The following CNTNAP2 variants were observed in gnomAD, a reference collection of about 807,000 sequenced individuals.
The protein encoded by CNTNAP2 is contactin associated protein 2.
Under a neutral mutation model 155.2 loss-of-function variants are expected in CNTNAP2, and 98 were observed. The observed-to-expected ratio is 0.63, with a 90% confidence interval of 0.54 to 0.75. CNTNAP2 has a LOEUF of 0.75. CNTNAP2 is among the 30% of genes least tolerant of loss of function. The pLI is 0.00. For synonymous variants in CNTNAP2, 651 were observed against 631.2 expected (o/e 1.03, Z -0.47); for missense variants, 1,727 against 1,688.1 (o/e 1.02, Z -0.40).
chr7:146,215,744 A>G (rs1281052843), intron 1 of CNTNAP2, among the ~76,000 whole-genome samples: 1 of 152,178 alleles, frequency 6.6e-6, no homozygotes, highest in Non-Finnish European at 1.5e-5. Flanking sequence ...AATGTGTTAT[A>G]TCTAGGCCTC....
chr7:146,662,005 G>A (rs998632656), intron 1 of CNTNAP2, among the ~76,000 whole-genome samples: 1 of 152,112 alleles, frequency 6.6e-6, no homozygotes, highest in African/African-American at 2.4e-5. Context: ...CATAGGTGTA[G>A]TGTTTTTTTA....
intron 2 of CNTNAP2, among the ~76,000 whole-genome samples, chr7:146,780,739 G>A (rs565773696): frequency 2.3e-3 from 347 of 152,042 alleles, no homozygotes; most frequent in African/African-American, 7.8e-3. Context: ...GGATGAAGCT[G>A]GAAGCCATCA....
At chr7:148,269,331 A>G (rs1040193382) in intron 21 of CNTNAP2, among the ~76,000 whole-genome samples, 1 of 152,186 alleles carries the variant, frequency 6.6e-6, no homozygotes, top group African/African-American at 2.4e-5. Context: ...CACAGTCTCA[A>G]ATCTAGCTTT....
At chr7:146,485,568 T>C (rs1011933602) in intron 1 of CNTNAP2, among the ~76,000 whole-genome samples, 1 of 152,174 alleles carries the variant, frequency 6.6e-6, no homozygotes, top group Non-Finnish European at 1.5e-5. Flanking sequence ...AATGCTTACT[T>C]TTTTGAAAGA....
At chr7:147,710,873 A>G (rs1203706172) in intron 13 of CNTNAP2, among the ~76,000 whole-genome samples, 1 of 152,146 alleles carries the variant, frequency 6.6e-6, no homozygotes, top group Non-Finnish European at 1.5e-5. Context: ...GTGGAAATTA[A>G]TTTGATGCTT....
chr7:147,428,134 G>T (rs557289134), intron 10 of CNTNAP2, among the ~76,000 whole-genome samples: 1 of 152,068 alleles, frequency 6.6e-6, no homozygotes, highest in Admixed American at 6.6e-5. Context: ...ATTTGTCATT[G>T]GATGAATGAT....
intron 8 of CNTNAP2, among the ~76,000 whole-genome samples, chr7:147,253,517 G>A (rs1284660693): frequency 6.6e-6 from 1 of 151,860 alleles, no homozygotes; most frequent in African/African-American, 2.4e-5. Context: ...GATGGTATGA[G>A]GATGAAAGGA....
intron 1 of CNTNAP2, among the ~76,000 whole-genome samples, chr7:146,226,482 G>C (rs1447248005): frequency 6.6e-6 from 1 of 151,992 alleles, no homozygotes; most frequent in Non-Finnish European, 1.5e-5. Context: ...TATATAGTGA[G>C]ACCCCAAGTC....
At chr7:146,990,019 A>G (rs753136922) in intron 3 of CNTNAP2, among the ~76,000 whole-genome samples, 3 of 152,068 alleles carry the variant, frequency 2.0e-5, no homozygotes, top group Non-Finnish European at 4.4e-5. Context: ...CAGGGATATT[A>G]TGTCCAATAA....
At chr7:146,538,862 A>G (rs1797909377) in intron 1 of CNTNAP2, among the ~76,000 whole-genome samples, 1 of 152,124 alleles carries the variant, frequency 6.6e-6, no homozygotes, top group South Asian at 2.1e-4. Context: ...AATTTATTAT[A>G]AAATGTAGAA....
chr7:148,248,427 G>A (rs1796312420), intron 20 of CNTNAP2, among the ~76,000 whole-genome samples: 1 of 152,106 alleles, frequency 6.6e-6, no homozygotes, highest in Non-Finnish European at 1.5e-5. Flanking sequence ...TTGAACTCCT[G>A]ACCTCATGAT....
chr7:147,718,309 C>T (rs559497424), intron 13 of CNTNAP2, among the ~76,000 whole-genome samples: 1 of 152,186 alleles, frequency 6.6e-6, no homozygotes, highest in African/African-American at 2.4e-5. Flanking sequence ...ACGTACTACA[C>T]AGGCAATTAA....
chr7:148,266,241 G>C (rs937542167), intron 20 of CNTNAP2, among the ~76,000 whole-genome samples: 2 of 152,168 alleles, frequency 1.3e-5, no homozygotes, highest in African/African-American at 4.8e-5. Flanking sequence ...GTTTTCCACC[G>C]GGGTGGGGGG....
At chr7:147,805,295 C>T (rs1798072347) in intron 13 of CNTNAP2, among the ~76,000 whole-genome samples, 1 of 152,012 alleles carries the variant, frequency 6.6e-6, no homozygotes, top group Non-Finnish European at 1.5e-5. Flanking sequence ...AATGCCAAGC[C>T]CAGTATCATT....
At chr7:147,644,885 C>T (rs916291316) in intron 13 of CNTNAP2, among the ~76,000 whole-genome samples, 1 of 151,876 alleles carries the variant, frequency 6.6e-6, no homozygotes, top group African/African-American at 2.4e-5. Context: ...GTATTGATTC[C>T]TTACATATAT....
At chr7:147,612,401 C>CTTTT (rs565607932) in intron 12 of CNTNAP2, among the ~76,000 whole-genome samples, 14 of 133,032 alleles carry the variant, frequency 1.1e-4, no homozygotes, top group Non-Finnish European at 1.3e-4. Context: ...AATTTTCTTT[C>CTTTT]TTTTTTTTTT....
At chr7:147,561,921 A>G (rs928546049) in intron 11 of CNTNAP2, among the ~76,000 whole-genome samples, 3 of 152,232 alleles carry the variant, frequency 2.0e-5, no homozygotes, top group African/African-American at 7.2e-5. Flanking sequence ...TCCCCAACAT[A>G]AAGTCATACC....
At chr7:146,657,283 G>T (rs924792244) in intron 1 of CNTNAP2, among the ~76,000 whole-genome samples, 4 of 152,178 alleles carry the variant, frequency 2.6e-5, no homozygotes, top group Middle Eastern at 6.8e-3. Flanking sequence ...TACCTCTATG[G>T]CATTGCTTTA....
At chr7:147,968,656 G>A (rs963720321) in intron 14 of CNTNAP2, among the ~76,000 whole-genome samples, 1 of 152,082 alleles carries the variant, frequency 6.6e-6, no homozygotes, top group African/African-American at 2.4e-5. Flanking sequence ...GAAAATGAAC[G>A]TAAAGGAACT....
Sources: gnomAD v4.1 joint callset for allele counts (sites outside exome capture counted in the v4.1 genomes callset) on GRCh38, gnomAD v4.1.1 for gene constraint, MANE v1.5 for transcripts, NCBI Gene and HGNC (gene_info 2026-07-23, HGNC 2026-07-21) for gene names.